The following TSHZ3 variants were observed in gnomAD, a reference collection of about 807,000 sequenced individuals.
TSHZ3 encodes teashirt zinc finger homeobox 3.
A neutral mutation model predicts 64.5 loss-of-function variants in TSHZ3; 10 were observed. The observed-to-expected ratio is 0.16, with a 90% CI of 0.10 to 0.26. The LOEUF is 0.26. TSHZ3 is among the 10% of genes least tolerant of loss of function. The probability of loss-of-function intolerance (pLI) is 1.00; values close to 1 mark genes in which losing one functional copy is unlikely to be tolerated. For synonymous variants in TSHZ3, 608 were observed against 593.1 expected (o/e 1.03, Z -0.36); for missense variants, 1,242 against 1,421.7 (o/e 0.87, Z 2.03).
At chr19:31,180,437 C>G (rs1335260843) in intron 5 of TSHZ3, among the ~76,000 whole-genome samples, 1 of 152,162 alleles carries the variant, frequency 6.6e-6, no homozygotes, top group Non-Finnish European at 1.5e-5. Context: ...TAAACATGGA[C>G]TGAAAGACAT....
chr19:31,285,846 TATC>T lies in TSHZ3; in HGVS notation c.41-6097_41-6095del, dbSNP rs1372701717. On this transcript the variant is annotated intron_variant, in intron 1 of 1. Coordinates refer to ENST00000240587, the MANE Select transcript of TSHZ3 (RefSeq NM_020856.4). ...GTGAAAGAAAAAGAAAAGAATGCATTATCATCCCTCTATCCCTCTTTTCTCTTG... is the reference window on the plus strand; with the variant it reads ...GTGAAAGAAAAAGAAAAGAATGCATTATCCCTCTATCCCTCTTTTCTCTTG... Among the ~76,000 whole-genome samples the T allele has an allele frequency of 4.7e-5, 7 of 148,362 alleles. No individual in the cohort carries two copies. In the South Asian group the frequency reaches 1.5e-3, roughly 33 times the overall value.
At chr19:31,333,142 A>AAATC (rs1399353867) in intron 1 of TSHZ3, among the ~76,000 whole-genome samples, 1 of 150,066 alleles carries the variant, frequency 6.7e-6, no homozygotes, top group Non-Finnish European at 1.5e-5. Flanking sequence ...ATAAATAAAT[A>AAATC]AATAAATAAA....
Position 31,278,800 on chromosome 19 carries a change from G to A in TSHZ3, c.993C>T (p.Pro331=), listed in dbSNP as rs142329923. 9.2e-4 allele frequency: 1,477 copies of A among 1,614,188 alleles called. 1 individual carries two copies. Among genetic ancestry groups the A allele is most frequent in the Non-Finnish European group, 1.2e-3 (1,413 of 1,180,036 alleles). Residue 331 remains proline (P), a synonymous_variant, in exon 2 of 2, where the codon CCC becomes CCT. Transcript: ENST00000240587. The surrounding 1 kb of genome is among the most constrained non-coding windows in gnomAD (Gnocchi z 4.7). ...TTCCACCTGTGGAATCTGGGGAGCT[G>A]GGGAGCTCCAGCTCCAGGGAAGCTT... ...RKKASLELEL[P]SSPDSTGGTP... is the part of the protein sequence containing the mutation.
In TSHZ3 at chr19:31,349,290, C is replaced by A. The variant is rs1193957919; in HGVS notation, c.-71G>T. On this transcript the variant is annotated 5_prime_UTR_variant, in exon 1 of 2. Transcript: ENST00000240587. ...GGGCTGAGGACAGGGAGGGAGGGGG[C>A]GGCGGGCCCGCGGGGGGGCGAGGCG... 1 of 1,346,302 alleles carries A rather than the reference C, an allele frequency of 7.4e-7. No individual in the cohort carries two copies. The highest frequency in any genetic ancestry group is 1.5e-5 in the South Asian group (1 of 67,032). 83.4% of individuals were successfully genotyped at this position (1,346,302 alleles called of 1,614,324 possible).
intron 5 of TSHZ3, among the ~76,000 whole-genome samples, chr19:31,177,856 G>A (rs1008651804): frequency 6.6e-6 from 1 of 152,194 alleles, no homozygotes; most frequent in Non-Finnish European, 1.5e-5. Flanking sequence ...GCGCAGAGAG[G>A]GGAGGCGGGG....
intron 5 of TSHZ3, among the ~76,000 whole-genome samples, chr19:31,201,411 A>T (rs1342770054): frequency 6.6e-6 from 1 of 152,254 alleles, no homozygotes; most frequent in Admixed American, 6.5e-5. Flanking sequence ...CTACATAAAA[A>T]TAAATACATA....
intron 1 of TSHZ3, among the ~76,000 whole-genome samples, chr19:31,261,715 C>T (rs1223304910): frequency 1.3e-5 from 2 of 152,144 alleles, no homozygotes; most frequent in African/African-American, 2.4e-5. Context: ...AGCTGGGACT[C>T]GGGTTTCCTG....
intron 1 of TSHZ3, among the ~76,000 whole-genome samples, chr19:31,318,246 CTG>C (rs1427756028): frequency 6.6e-6 from 1 of 152,134 alleles, no homozygotes; most frequent in African/African-American, 2.4e-5. Flanking sequence ...TATTATAAAT[CTG>C]TTTTATGTCT....
rs376904013 is a variant in TSHZ3 at position 31,277,249 on chromosome 19, G to A, written c.2544C>T (p.Ser848=). 18 of 1,614,170 alleles carry A rather than the reference G, an allele frequency of 1.1e-5. No individual in the cohort carries two copies. Among genetic ancestry groups the A allele is most frequent in the Middle Eastern group, 1.6e-4 (1 of 6,062 alleles). Residue 848 remains serine, a synonymous_variant, in exon 2 of 2, where the codon TCC becomes TCT. Transcript: ENST00000240587. This position sits in a 1 kb window ranked among gnomAD's most constrained non-coding sequence, Gnocchi z 4.5. ...PLRENALSDI[S]DMLKNLTESH... ...TCTCTGTCAAGTTCTTCAGCATATC[G>A]GATATATCTGACAAGGCATTCTCGC... is the stretch of plus-strand genomic sequence containing the variant.
In TSHZ3 at chr19:31,210,672, C is replaced by A. The variant is rs138055551; in HGVS notation, n.687-5594G>T. ...CTCTGATCAAGAGCTGAAAAACCTG[C>A]ACGATTTTCAACTCAGGAACCCACG... is the stretch of plus-strand genomic sequence containing the variant. On this transcript the variant is annotated intron_variant and non_coding_transcript_variant, in intron 4 of 6. Coordinates refer to the TSHZ3 transcript ENST00000651361. Among the ~76,000 whole-genome samples, 278 of 152,272 alleles carry A rather than the reference C, an allele frequency of 1.8e-3. 2 individuals carry two copies. In the East Asian group the frequency reaches 0.043, roughly 24 times the overall value.
chr19:31,336,060 T>C (rs958155406), intron 1 of TSHZ3, among the ~76,000 whole-genome samples: 1 of 152,222 alleles, frequency 6.6e-6, no homozygotes, highest in Non-Finnish European at 1.5e-5. Context: ...TTTTTCCTCC[T>C]GCTAATTTTA....
rs566614293 is a variant in TSHZ3 at position 31,219,873 on chromosome 19, G to C, written n.686+8132C>G. On this transcript the variant is annotated intron_variant and non_coding_transcript_variant, in intron 4 of 6. Transcript: ENST00000651361. ...CTGAATATATCTGGAATGTGTATAA[G>C]TATATAATTGAATATATATGGAATT... 1.1e-4 allele frequency among the ~76,000 whole-genome samples: 17 copies of C among 150,276 alleles called. No individual in the cohort carries two copies. In the East Asian group the frequency reaches 3.3e-3, roughly 29 times the overall value.
intron 6 of TSHZ3, among the ~76,000 whole-genome samples, chr19:31,154,760 G>A (rs1406325603): frequency 6.6e-6 from 1 of 152,198 alleles, no homozygotes; most frequent in Non-Finnish European, 1.5e-5. Context: ...ATTTTTCAGA[G>A]AGAATCAGGA....
intron 6 of TSHZ3, among the ~76,000 whole-genome samples, chr19:31,154,876 TATC>T (rs1047750612): frequency 3.9e-5 from 6 of 152,216 alleles, no homozygotes; most frequent in African/African-American, 1.2e-4. Flanking sequence ...CTCCTGTCTC[TATC>T]ATAAGGGCCA....
chr19:31,327,089 A>C (rs1916953646), intron 1 of TSHZ3, among the ~76,000 whole-genome samples: 2 of 152,176 alleles, frequency 1.3e-5, no homozygotes, highest in African/African-American at 4.8e-5. Context: ...TAAAAAAAAA[A>C]CCAGCAGAGG....
At chr19:31,219,811 A>G (rs551223540) in intron 4 of TSHZ3, among the ~76,000 whole-genome samples, 1 of 149,298 alleles carries the variant, frequency 6.7e-6, no homozygotes, top group Non-Finnish European at 1.5e-5. Flanking sequence ...ATATATGTAT[A>G]TATATAAAAA....
At chr19:31,274,086 C>T (rs367596265), downstream of TSHZ3, among the ~76,000 whole-genome samples, 11 of 151,560 alleles carry the variant, frequency 7.3e-5, no homozygotes, top group Non-Finnish European at 1.2e-4. Flanking sequence ...AAACCGTAGG[C>T]GTGTTGCCGA....
chr19:31,319,146 A>G (rs531277540), intron 1 of TSHZ3, among the ~76,000 whole-genome samples: 1 of 152,366 alleles, frequency 6.6e-6, no homozygotes, highest in East Asian at 1.9e-4. Flanking sequence ...TCCCCTATAG[A>G]GAAAAACAAC....
chr19:31,267,460 C>A (rs557252039), intron 1 of TSHZ3, among the ~76,000 whole-genome samples: 2 of 152,226 alleles, frequency 1.3e-5, no homozygotes, highest in Non-Finnish European at 1.5e-5. Flanking sequence ...CCTCAATCCC[C>A]CACCACTCCT....
Sources: allele counts gnomAD v4.1 joint callset (sites outside exome capture counted in the v4.1 genomes callset), GRCh38; gene constraint gnomAD v4.1.1; non-coding constraint Gnocchi (gnomAD v3.1); transcripts MANE v1.5; gene names NCBI Gene and HGNC (gene_info 2026-07-23, HGNC 2026-07-21).